Variants in NOP56 observed in about 807,000 individuals in gnomAD.
The protein encoded by NOP56 is nucleolar protein 56.
NOP56 carries 31 observed loss-of-function variants against 58.3 expected under a neutral mutation model. That is an observed-to-expected ratio of 0.53 (90% CI 0.40 to 0.72). The LOEUF (loss-of-function observed/expected upper bound fraction) is 0.72, where lower values mean the gene tolerates loss of function less well. NOP56 is among the 30% of genes least tolerant of loss of function. The probability of loss-of-function intolerance (pLI) is 0.00; values close to 1 mark genes in which losing one functional copy is unlikely to be tolerated. For synonymous variants in NOP56, 313 were observed against 282.8 expected, an observed-to-expected ratio of 1.11 and a Z score of -1.07; for missense variants, 669 against 739.9, an observed-to-expected ratio of 0.90 and a Z score of 1.11.
At position 2,658,336 on chromosome 20, in the gene NOP56, C is replaced by T. The variant is rs11553611; in HGVS notation, c.*42C>T. ...CTCTGGGAGGTGGGGCATACCATAG[C>T]CCAAGGTGACATTTCCCACCCTGTG... On this transcript the variant is annotated 3_prime_UTR_variant, in exon 12 of 12. Coordinates refer to ENST00000329276, the MANE Select transcript of NOP56 (RefSeq NM_006392.4). The T allele has an allele frequency of 1.2e-6, 2 of 1,603,960 alleles. No individual in the cohort carries two copies. Among genetic ancestry groups the T allele is most frequent in the South Asian group, 1.1e-5 (1 of 89,318 alleles).
rs935117795 is a variant in NOP56, at chr20:2,657,503, T to A, written c.1419+285T>A. The A allele has an allele frequency of 4.7e-6, 3 of 637,738 alleles. No individual in the cohort carries two copies. The African/African-American group carries it at 5.5e-5, about 12-fold the overall frequency. The allele number at this position is 637,738 out of a possible 1,614,324, so 39.5% of individuals were successfully genotyped here. A position where few individuals can be genotyped will look rare whatever the true frequency, so the allele number is the denominator to read the frequency against. ...CTCAACCTGGGGTAGTGTAAATTCC[T>A]GCTCTGCTTATTATCAGACGTGTGT... On this transcript the variant is annotated intron_variant, in intron 11 of 11. Transcript: ENST00000329276.
In NOP56 at chr20:2,657,924, T is replaced by A; in HGVS notation, c.1420-5T>A. 1 of 1,578,464 alleles carries A rather than the reference T, an allele frequency of 6.3e-7. No homozygotes were observed. Among genetic ancestry groups the A allele is most frequent in the Non-Finnish European group, 8.6e-7 (1 of 1,162,626 alleles). Reference sequence around the variant, plus strand: ...CACAGCCTGTTCCCCTGTCCTTCCCTTTAGGAGATGAGTGAAAAACCCAAA... The same window carrying A: ...CACAGCCTGTTCCCCTGTCCTTCCCATTAGGAGATGAGTGAAAAACCCAAA... On this transcript the variant is annotated splice_polypyrimidine_tract_variant and splice_region_variant and intron_variant, in intron 11 of 11. Transcript: ENST00000329276.
rs1268570538 is a variant in NOP56, at chr20:2,658,248, G to A, written c.1739G>A (p.Ser580Asn). Residue 580 changes from serine (S) to asparagine (N), a missense_variant, in exon 12 of 12, where the codon AGC becomes AAC. By Grantham distance (46) the Ser-to-Asn change is conservative. Transcript: ENST00000329276. ...CCTGAAGAGGCGGTTGGCAAGAGCA[G>A]CTCCAAGAAGAAGAAAAAGTTCCAT... Reference protein sequence around the residue: ...SGPEEAVGKSSSKKKKKFHKA... With the variant: ...SGPEEAVGKSNSKKKKKFHKA... The A allele has an allele frequency of 6.3e-7, 1 of 1,597,352 alleles. No homozygotes were observed. Among genetic ancestry groups the A allele is most frequent in the African/African-American group, 1.3e-5 (1 of 74,444 alleles).
intron 7 of NOP56, 81 bp from the exon 8 acceptor site, chr20:2,655,853 G>A (rs982801216): frequency 2.5e-6 from 4 of 1,608,874 alleles, no homozygotes; most frequent in African/African-American, 2.7e-5. Flanking sequence ...TGCTTGATGG[G>A]GAGGTGGGGA....
intron 1 of NOP56, 72 bp downstream of exon 1, chr20:2,652,735 G>GGCCTGGA: frequency 6.8e-7 from 1 of 1,462,578 alleles, no homozygotes; most frequent in African/African-American, 1.5e-5. Flanking sequence ...CGCAGACAGG[G>GGCCTGGA]CCTGGGCCTG....
At chr20:2,657,312 T>TCC in intron 11 of NOP56, 94 bp downstream of exon 11, 1 of 1,570,136 alleles carries the variant, frequency 6.4e-7, no homozygotes, top group South Asian at 1.1e-5. Context: ...TGGTCTTGAG[T>TCC]CCAGGCTTTT....
chr20:2,653,964 G>A (rs2086784205), intron 3 of NOP56: 1 of 339,884 alleles, frequency 2.9e-6, no homozygotes, highest in Non-Finnish European at 5.9e-6. Flanking sequence ...ACAAAGGGGG[G>A]TTTCTTAAAG....
rs536616952 is a variant in NOP56 at position 2,653,086 on chromosome 20, A to G, written c.93+155A>G. On this transcript the variant is annotated intron_variant, in intron 2 of 11. Coordinates refer to ENST00000329276, the MANE Select transcript of NOP56 (RefSeq NM_006392.4). ...GATCCGGGGGTCTTTACCTTGACCCATGGGTAGAATCGCTCTAGCAATTAG... is the reference window on the plus strand; with the variant it reads ...GATCCGGGGGTCTTTACCTTGACCCGTGGGTAGAATCGCTCTAGCAATTAG... The G allele has an allele frequency of 3.3e-5, 25 of 767,600 alleles. No individual in the cohort carries two copies. The African/African-American group carries it at 3.9e-4, about 12-fold the overall frequency. 47.5% of individuals were successfully genotyped at this position (767,600 alleles called of 1,614,324 possible).
intron 5 of NOP56, 79 bp from the exon 6 acceptor site, chr20:2,655,246 G>T: frequency 1.3e-6 from 2 of 1,505,370 alleles, no homozygotes; most frequent in South Asian, 1.1e-5. Flanking sequence ...AGGCAGAGTA[G>T]GTGTGGAGAA....
At chr20:2,654,022 A>G (rs1342264018) in intron 3 of NOP56, among the ~76,000 whole-genome samples, 1 of 152,182 alleles carries the variant, frequency 6.6e-6, no homozygotes, top group African/African-American at 2.4e-5. Context: ...CCTAAACACA[A>G]TCAAGTGTCT....
chr20:2,656,269 A>G (rs2086815923), intron 8 of NOP56, 132 bp from the exon 9 acceptor site: 2 of 1,606,056 alleles, frequency 1.2e-6, no homozygotes. Context: ...GTTGGCATGC[A>G]TTGGGGTAGA....
Position 2,654,860 on chromosome 20 carries a change from T to C in NOP56, c.482T>C (p.Val161Ala). Residue 161 changes from valine (V) to alanine (A), a missense_variant, in exon 5 of 12, where the codon GTG (valine) becomes GCG (alanine). Coordinates refer to ENST00000329276, the MANE Select transcript of NOP56 (RefSeq NM_006392.4). ...SYSRAKVKFNVNRVDNMIIQS... is the reference protein window; with the variant it reads ...SYSRAKVKFNANRVDNMIIQS... ...TCCCGTGCCAAAGTTAAGTTTAATG[T>C]GAACCGGGTGGACAATATGATCATC... 3 of 1,614,228 alleles carry C rather than the reference T, an allele frequency of 1.9e-6. No individual in the cohort carries two copies. The highest frequency in any genetic ancestry group is 1.7e-4 in the Middle Eastern group (1 of 6,058).
At chr20:2,652,732 A>AGAGCCTGGGCCCGGGCCTGGGCCC in intron 1 of NOP56, 69 bp downstream of exon 1, 1 of 1,106,258 alleles carries the variant, frequency 9.0e-7, no homozygotes, top group South Asian at 1.6e-5. Flanking sequence ...GGCCGCAGAC[A>AGAGCCTGGGCCCGGGCCTGGGCCC]GGGCCTGGGC....
At chr20:2,652,732 A>AGAGCCTGGGCCTGGGCCTGGGGCT in intron 1 of NOP56, 69 bp downstream of exon 1, 1 of 881,674 alleles carries the variant, frequency 1.1e-6, no homozygotes, top group East Asian at 3.3e-5. Flanking sequence ...GGCCGCAGAC[A>AGAGCCTGGGCCTGGGCCTGGGGCT]GGGCCTGGGC....
intron 11 of NOP56, chr20:2,657,419 G>A: frequency 6.2e-6 from 5 of 809,526 alleles, no homozygotes; most frequent in Non-Finnish European, 8.5e-6. Flanking sequence ...AGAGCTGGTT[G>A]TAGCTCACAC....
In NOP56 at chr20:2,658,325, G is replaced by A. The variant is rs200568632; in HGVS notation, c.*31G>A. The A allele has an allele frequency of 3.7e-6, 6 of 1,601,800 alleles. No homozygotes were observed. Among genetic ancestry groups the A allele is most frequent in the Non-Finnish European group, 5.1e-6 (6 of 1,173,932 alleles). On this transcript the variant is annotated 3_prime_UTR_variant, in exon 12 of 12. Transcript: ENST00000329276. ...AAATGGACATTCTCTGGGAGGTGGG[G>A]CATACCATAGCCCAAGGTGACATTT...
At chr20:2,654,038 T>A in intron 3 of NOP56, 1 of 412,438 alleles carries the variant, frequency 2.4e-6, no homozygotes, top group Non-Finnish European at 4.9e-6. Flanking sequence ...TGTCTGGTTC[T>A]CTGCTTTCTG....
chr20:2,653,087 T>G, intron 2 of NOP56, 156 bp downstream of exon 2: 1 of 768,528 alleles, frequency 1.3e-6, no homozygotes, highest in Non-Finnish European at 2.1e-6. Flanking sequence ...CCTTGACCCA[T>G]GGGTAGAATC....
chr20:2,658,190 A>G lies in NOP56; in HGVS notation c.1681A>G (p.Lys561Glu). Residue 561 changes from lysine to glutamate, a missense_variant, in exon 12 of 12, where the codon AAA becomes GAA. Physicochemically the swap from Lys to Glu is moderately conservative, Grantham distance 56. This residue lies in a region of NOP56 where 209 missense variants were observed against 196.2 expected (regional missense o/e 1.07). Coordinates refer to ENST00000329276, the MANE Select transcript of NOP56 (RefSeq NM_006392.4). ...GHRSGSKKKR[K>E]FSKEEPVSSG... ...CAGAAGTGGCTCCAAGAAAAAGAGGAAATTCTCCAAAGAGGAGCCGGTCAG... is the reference window on the plus strand; with the variant it reads ...CAGAAGTGGCTCCAAGAAAAAGAGGGAATTCTCCAAAGAGGAGCCGGTCAG... 1 of 1,609,328 alleles carries G rather than the reference A, an allele frequency of 6.2e-7. No individual in the cohort carries two copies. Among genetic ancestry groups the G allele is most frequent in the Non-Finnish European group, 8.5e-7 (1 of 1,177,580 alleles).
Sources: allele counts gnomAD v4.1 joint callset (sites outside exome capture counted in the v4.1 genomes callset), GRCh38; gene constraint gnomAD v4.1.1; regional missense constraint gnomAD v4.1.1; transcripts MANE v1.5; gene names NCBI Gene and HGNC (gene_info 2026-07-23, HGNC 2026-07-21).